Variants in ZDHHC14 observed in about 807,000 individuals in gnomAD.
The protein encoded by ZDHHC14 is zDHHC palmitoyltransferase 14.
A neutral mutation model predicts 47.7 loss-of-function variants in ZDHHC14; 16 were observed. The observed-to-expected ratio is 0.34, with a 90% CI of 0.23 to 0.51. The LOEUF (loss-of-function observed/expected upper bound fraction) is 0.51. Among genes scored for constraint, ZDHHC14 ranks in the 20% least tolerant of loss-of-function variants. The pLI, the probability that ZDHHC14 is intolerant of heterozygous loss-of-function variation, is 0.97. For synonymous variants in ZDHHC14, 293 were observed against 278.9 expected (o/e 1.05, Z -0.50); for missense variants, 515 against 662.5 (o/e 0.78, Z 2.44).
chr6:157,644,975 C>G (rs1018969090), intron 5 of ZDHHC14, among the ~76,000 whole-genome samples: 14 of 152,142 alleles, frequency 9.2e-5, no homozygotes, highest in African/African-American at 3.4e-4. Context: ...TTGGACACGT[C>G]TTGTGGAACT....
chr6:157,608,058 TTG>T (rs1455410108), intron 3 of ZDHHC14, among the ~76,000 whole-genome samples: 1 of 152,130 alleles, frequency 6.6e-6, no homozygotes, highest in Non-Finnish European at 1.5e-5. Flanking sequence ...CACTACTGAT[TTG>T]TGGGTTTGTT....
intron 1 of ZDHHC14, among the ~76,000 whole-genome samples, chr6:157,438,555 C>T (rs1399329264): frequency 6.6e-6 from 1 of 152,200 alleles, no homozygotes; most frequent in Non-Finnish European, 1.5e-5. Context: ...CTGAAACCCC[C>T]CTGTGAATTT....
At chr6:157,435,315 G>A (rs1195260096) in intron 1 of ZDHHC14, among the ~76,000 whole-genome samples, 1 of 152,224 alleles carries the variant, frequency 6.6e-6, no homozygotes, top group African/African-American at 2.4e-5. Flanking sequence ...GCAAGAGCAA[G>A]GGTGCCCCGC....
At chr6:157,659,654 G>C (rs1778257524) in intron 8 of ZDHHC14, among the ~76,000 whole-genome samples, 1 of 152,176 alleles carries the variant, frequency 6.6e-6, no homozygotes, top group Non-Finnish European at 1.5e-5. Context: ...CGGTTTTCCG[G>C]TCTCTGATGC....
At chr6:157,602,202 A>C (rs1396614578) in intron 3 of ZDHHC14, among the ~76,000 whole-genome samples, 1 of 20,982 alleles carries the variant, frequency 4.8e-5, no homozygotes. Context: ...ATTCTGTCTC[A>C]AAAAAAAAAA....
chr6:157,621,592 G>T (rs1034178560), intron 3 of ZDHHC14, among the ~76,000 whole-genome samples: 1 of 152,150 alleles, frequency 6.6e-6, no homozygotes, highest in Non-Finnish European at 1.5e-5. Context: ...GCAGAATCCT[G>T]GCTCTGGGTC....
Position 157,586,005 on chromosome 6 carries a change from T to G in ZDHHC14, c.407-6983T>G, listed in dbSNP as rs1212377908. On this transcript the variant is annotated intron_variant, in intron 2 of 8. Coordinates refer to ENST00000359775, the MANE Select transcript of ZDHHC14 (RefSeq NM_024630.3). The surrounding 1 kb of genome is among the most constrained non-coding windows in gnomAD (Gnocchi z 4.6). ...TCCTCCATCTTGGGCATCTCCTATG[T>G]GCTAGACTCTCTGCTGGATGATGGG... Among the ~76,000 whole-genome samples, 1 of 152,168 alleles carries G rather than the reference T, an allele frequency of 6.6e-6. No homozygotes were observed. The highest frequency in any genetic ancestry group is 6.5e-5 in the Admixed American group (1 of 15,278).
chr6:157,610,979 G>A (rs746294287), intron 3 of ZDHHC14, among the ~76,000 whole-genome samples: 20 of 152,194 alleles, frequency 1.3e-4, no homozygotes, highest in Non-Finnish European at 2.6e-4. Context: ...GCTCGTGTAA[G>A]ACTGGGAGCC....
intron 1 of ZDHHC14, among the ~76,000 whole-genome samples, chr6:157,496,633 G>C (rs888093319): frequency 6.6e-6 from 1 of 152,160 alleles, no homozygotes; most frequent in Non-Finnish European, 1.5e-5. Flanking sequence ...ATGTGCCTGG[G>C]GTGATGCACC....
intron 3 of ZDHHC14, among the ~76,000 whole-genome samples, chr6:157,609,803 G>A (rs1784683359): frequency 1.3e-5 from 2 of 152,212 alleles, no homozygotes; most frequent in East Asian, 1.9e-4. Flanking sequence ...CTGTGCAGGG[G>A]CTGAAGCCAG....
intron 1 of ZDHHC14, among the ~76,000 whole-genome samples, chr6:157,443,813 G>T (rs1330795252): frequency 6.6e-6 from 1 of 152,182 alleles, no homozygotes; most frequent in Non-Finnish European, 1.5e-5. Flanking sequence ...TTTGGGTAGT[G>T]CCTTACCTTC....
intron 2 of ZDHHC14, among the ~76,000 whole-genome samples, chr6:157,590,688 A>C (rs1360204937): frequency 1.3e-5 from 2 of 152,204 alleles, no homozygotes; most frequent in Non-Finnish European, 2.9e-5. Context: ...GCCCCCACAT[A>C]GAGCCCCCAC....
intron 8 of ZDHHC14, among the ~76,000 whole-genome samples, chr6:157,668,178 C>T (rs1192961854): frequency 6.6e-6 from 1 of 152,182 alleles, no homozygotes; most frequent in Non-Finnish European, 1.5e-5. Context: ...AGCAGGAAAG[C>T]TGGGGAGGGC....
At chr6:157,668,487 C>T (rs1321477568) in intron 8 of ZDHHC14, among the ~76,000 whole-genome samples, 4 of 148,464 alleles carry the variant, frequency 2.7e-5, no homozygotes, top group South Asian at 4.3e-4. Context: ...AGTTTGAGAC[C>T]AGCCTGGCCA....
At chr6:157,620,316 A>G (rs925203477) in intron 3 of ZDHHC14, among the ~76,000 whole-genome samples, 1 of 152,164 alleles carries the variant, frequency 6.6e-6, no homozygotes, top group Non-Finnish European at 1.5e-5. Context: ...TTATGAAGCC[A>G]TGAAGGCCTC....
intron 2 of ZDHHC14, among the ~76,000 whole-genome samples, chr6:157,590,598 A>G (rs2114888193): frequency 6.6e-6 from 1 of 152,364 alleles, no homozygotes; most frequent in East Asian, 1.9e-4. Context: ...CTGGATGTCT[A>G]GGCAGAAGTT....
At chr6:157,440,787 A>T (rs975621389) in intron 1 of ZDHHC14, among the ~76,000 whole-genome samples, 1 of 152,234 alleles carries the variant, frequency 6.6e-6, no homozygotes, top group African/African-American at 2.4e-5. Context: ...AACAGGTGCT[A>T]AGTGAAAGAA....
At chr6:157,440,030 A>G (rs1480769069) in intron 1 of ZDHHC14, among the ~76,000 whole-genome samples, 1 of 152,060 alleles carries the variant, frequency 6.6e-6, no homozygotes, top group Non-Finnish European at 1.5e-5. Context: ...GAGGAGGGAG[A>G]GCATCAGGAA....
chr6:157,645,650 G>GC (rs1777497971), intron 5 of ZDHHC14, 87 bp from the exon 6 acceptor site: 2 of 1,010,440 alleles, frequency 2.0e-6, no homozygotes, highest in Non-Finnish European at 3.0e-6. Context: ...AGAGGCCTGT[G>GC]CCCGGGGGTG....
Sources: allele counts gnomAD v4.1 joint callset (sites outside exome capture counted in the v4.1 genomes callset), GRCh38; gene constraint gnomAD v4.1.1; non-coding constraint Gnocchi (gnomAD v3.1); transcripts MANE v1.5; gene names NCBI Gene and HGNC (gene_info 2026-07-23, HGNC 2026-07-21).